Variants in ZMYND11 observed in about 807,000 individuals in gnomAD.
ZMYND11 encodes the protein zinc finger MYND-type containing 11, also known as zinc finger MYND domain-containing protein 11.
ZMYND11 carries 9 observed loss-of-function variants against 84.9 expected under a neutral mutation model. The ratio of observed to expected loss-of-function variants is 0.11; its 90% CI spans 0.06 to 0.18. The LOEUF (loss-of-function observed/expected upper bound fraction) is 0.18, where lower values mean the gene tolerates loss of function less well. Ranked by LOEUF, ZMYND11 falls within the 10% of genes least tolerant of loss-of-function variation. The pLI is 1.00. For synonymous variants in ZMYND11, 250 were observed against 244.1 expected (o/e 1.02, Z -0.23); for missense variants, 409 against 761.0 (o/e 0.54, Z 5.44).
At chr10:160,747 A>G (rs1842767736) in intron 1 of ZMYND11, among the ~76,000 whole-genome samples, 2 of 152,192 alleles carry the variant, frequency 1.3e-5, no homozygotes, top group African/African-American at 4.8e-5. Flanking sequence ...ATCCATAAGA[A>G]GCAGCTCCTC....
chr10:173,597 C>A (rs1303721824), intron 1 of ZMYND11, among the ~76,000 whole-genome samples: 3 of 151,960 alleles, frequency 2.0e-5, no homozygotes, highest in African/African-American at 7.3e-5. Flanking sequence ...GTGGTGCATG[C>A]CTGTAGTCCT....
chr10:250,589 C>G (rs531649835), intron 14 of ZMYND11, among the ~76,000 whole-genome samples: 12 of 152,302 alleles, frequency 7.9e-5, no homozygotes, highest in African/African-American at 2.6e-4. Flanking sequence ...TCTTTTGTAG[C>G]ACTTTACCAT....
At chr10:130,143 A>T (rs1356698176), upstream of ZMYND11, among the ~76,000 whole-genome samples, 2 of 152,136 alleles carry the variant, frequency 1.3e-5, no homozygotes, top group Non-Finnish European at 2.9e-5. Flanking sequence ...TGAAAAACAA[A>T]CAACAAACAA....
chr10:144,979 T>C (rs1384350791), intron 1 of ZMYND11, among the ~76,000 whole-genome samples: 1 of 151,104 alleles, frequency 6.6e-6, no homozygotes, highest in Non-Finnish European at 1.5e-5. Context: ...TGTATGCCTT[T>C]GTGTACCCAT....
intron 2 of ZMYND11, among the ~76,000 whole-genome samples, chr10:185,850 G>A (rs796359907): frequency 2.6e-4 from 39 of 150,336 alleles, no homozygotes; most frequent in African/African-American, 7.3e-4. Flanking sequence ...AAAAAAAGAC[G>A]GTTGCTAAAG....
intron 4 of ZMYND11, among the ~76,000 whole-genome samples, chr10:234,657 A>C (rs1256723533): frequency 6.6e-6 from 1 of 152,216 alleles, no homozygotes; most frequent in Non-Finnish European, 1.5e-5. Context: ...TTGAGTTGGC[A>C]TGAGAGAAGG....
At chr10:190,300 G>A (rs1455275879) in intron 2 of ZMYND11, among the ~76,000 whole-genome samples, 1 of 152,008 alleles carries the variant, frequency 6.6e-6, no homozygotes, top group Non-Finnish European at 1.5e-5. Flanking sequence ...CATCAGATTG[G>A]TCCACTGTTG....
rs1953736987 is a variant in ZMYND11, at chr10:252,662, A to G, written c.*192A>G. On this transcript the variant is annotated 3_prime_UTR_variant, in exon 15 of 15. Transcript: ENST00000381604. The surrounding 1 kb of genome is among the most constrained non-coding windows in gnomAD (Gnocchi z 4.6). ...CCTCCGAAGTTTTTCAGGGGGTAAAAGTAACATCAGTGGAGGGTATTATTT... is the reference window on the plus strand; with the variant it reads ...CCTCCGAAGTTTTTCAGGGGGTAAAGGTAACATCAGTGGAGGGTATTATTT... 1.9e-6 allele frequency: 1 copy of G among 539,614 alleles called. No homozygotes were observed. The highest frequency in any genetic ancestry group is 1.9e-5 in the African/African-American group (1 of 51,578). The allele number at this position is 539,614 out of a possible 1,614,324, so 33.4% of individuals were successfully genotyped here. A position where few individuals can be genotyped will look rare whatever the true frequency, so the allele number is the denominator to read the frequency against.
intron 1 of ZMYND11, chr10:148,404 A>T (rs1180625088): frequency 2.6e-5 from 4 of 151,806 alleles, no homozygotes; most frequent in African/African-American, 9.7e-5. Flanking sequence ...TGCTCTGGGA[A>T]GAAGTCTTAA....
At chr10:225,714 G>A (rs1183428937) in intron 4 of ZMYND11, among the ~76,000 whole-genome samples, 1 of 152,122 alleles carries the variant, frequency 6.6e-6, no homozygotes, top group East Asian at 1.9e-4. Context: ...TTTATACTTT[G>A]AAGGCATGGT....
chr10:159,036 T>C lies in ZMYND11; in HGVS notation c.-19-20958T>C, dbSNP rs138735556. On this transcript the variant is annotated intron_variant, in intron 1 of 14. Transcript: ENST00000381604. ...ATTATGTGGTTGTCTTTTCACTTAATGGTGTTCTTTGAAACACAAAACTTT... is the reference window on the plus strand; with the variant it reads ...ATTATGTGGTTGTCTTTTCACTTAACGGTGTTCTTTGAAACACAAAACTTT... 3.3e-3 allele frequency among the ~76,000 whole-genome samples: 454 copies of C among 138,518 alleles called. 4 individuals carry two copies. The highest frequency in any genetic ancestry group is 0.011 in the African/African-American group (433 of 38,044). 90.9% of individuals were successfully genotyped at this position (138,518 alleles called of 152,430 possible). A position where few individuals can be genotyped will look rare whatever the true frequency, so the allele number is the denominator to read the frequency against.
intron 1 of ZMYND11, among the ~76,000 whole-genome samples, chr10:173,634 G>A (rs901898382): frequency 3.3e-5 from 5 of 151,972 alleles, no homozygotes; most frequent in Non-Finnish European, 4.4e-5. Flanking sequence ...AAGGAGGATC[G>A]CTTGAGCCCA....
intron 1 of ZMYND11, among the ~76,000 whole-genome samples, chr10:145,633 T>A (rs1313612687): frequency 6.6e-6 from 1 of 152,212 alleles, no homozygotes; most frequent in African/African-American, 2.4e-5. Flanking sequence ...TAATTTGCAT[T>A]TCCCTGATGA....
At position 221,432 on chromosome 10, in the gene ZMYND11, G is replaced by C. The variant is rs1947112055; in HGVS notation, c.438+76G>C. On this transcript the variant is annotated intron_variant, in intron 4 of 14. Transcript: ENST00000381604. Reference sequence around the variant, plus strand: ...ATAATAGCTTCAAAAAGATATCCCAGGTGGTCTTGCCAGGTGAACGGATAA... The same window carrying C: ...ATAATAGCTTCAAAAAGATATCCCACGTGGTCTTGCCAGGTGAACGGATAA... 2.5e-5 allele frequency: 37 copies of C among 1,492,984 alleles called. No individual in the cohort carries two copies. The South Asian group carries it at 4.2e-4, about 17-fold the overall frequency. The allele number at this position is 1,492,984 out of a possible 1,614,324, so 92.5% of individuals were successfully genotyped here.
upstream of ZMYND11, among the ~76,000 whole-genome samples, chr10:132,904 A>G (rs1554750191): frequency 6.6e-6 from 1 of 152,198 alleles, no homozygotes; most frequent in Non-Finnish European, 1.5e-5. Context: ...CCAATGCAAA[A>G]AGGAGAATCA....
chr10:164,114 G>A (rs1768046270), intron 1 of ZMYND11, among the ~76,000 whole-genome samples: 1 of 152,064 alleles, frequency 6.6e-6, no homozygotes, highest in Non-Finnish European at 1.5e-5. Flanking sequence ...GCTGTGTATT[G>A]CTGTCATATT....
chr10:171,786 A>G (rs1845381808), intron 1 of ZMYND11, among the ~76,000 whole-genome samples: 1 of 152,184 alleles, frequency 6.6e-6, no homozygotes, highest in African/African-American at 2.4e-5. Flanking sequence ...CTTAATGGTA[A>G]GGAACTTGAA....
intron 2 of ZMYND11, among the ~76,000 whole-genome samples, chr10:202,858 T>C (rs539533771): frequency 2.0e-5 from 3 of 152,240 alleles, no homozygotes; most frequent in African/African-American, 7.2e-5. Context: ...CCTCTTCTTG[T>C]GTTGTGTGTT....
chr10:189,503 C>T (rs769300760), intron 2 of ZMYND11, among the ~76,000 whole-genome samples: 10 of 152,190 alleles, frequency 6.6e-5, no homozygotes, highest in Non-Finnish European at 1.5e-4. Flanking sequence ...GTTGTATTCT[C>T]ATTTCCATCT....
Sources: gnomAD v4.1 joint callset for allele counts (sites outside exome capture counted in the v4.1 genomes callset) on GRCh38, gnomAD v4.1.1 for gene constraint, Gnocchi (gnomAD v3.1) non-coding constraint, MANE v1.5 for transcripts, NCBI Gene and HGNC (gene_info 2026-07-23, HGNC 2026-07-21) for gene names.